PRDM16: variants seen among roughly 807,000 people sequenced by gnomAD.
PRDM16 encodes the protein PR/SET domain 16.
In PRDM16, 23 loss-of-function variants were observed where a neutral mutation model predicts 110.6. The ratio of observed to expected loss-of-function variants is 0.21; its 90% CI spans 0.15 to 0.29. The LOEUF is 0.29. Ranked by LOEUF, PRDM16 falls within the 10% of genes least tolerant of loss-of-function variation. The pLI, the probability that PRDM16 is intolerant of heterozygous loss-of-function variation, is 1.00. For missense variants in PRDM16, 1,615 were observed against 1,794.3 expected, an observed-to-expected ratio of 0.90 and a Z score of 1.81; for synonymous variants, 799 against 781.8, an observed-to-expected ratio of 1.02 and a Z score of -0.37.
intron 2 of PRDM16, among the ~76,000 whole-genome samples, chr1:3,225,573 T>TGTGCGCGCGCGCGCGC (rs1336272072): frequency 3.8e-5 from 5 of 129,902 alleles, no homozygotes; most frequent in African/African-American, 1.3e-4. Flanking sequence ...TGTGTGTGTG[T>TGTGCGCGCGCGCGCGC]GCGCGCGCGC....
chr1:3,234,911 G>A (rs1252691833), intron 2 of PRDM16, among the ~76,000 whole-genome samples: 1 of 152,272 alleles, frequency 6.6e-6, no homozygotes, highest in Non-Finnish European at 1.5e-5. Context: ...TAACTGGGCA[G>A]CTCTGAAGTG....
Position 3,143,733 on chromosome 1 carries a change from T to C in PRDM16, c.38-42392T>C, listed in dbSNP as rs1243081827. Among the ~76,000 whole-genome samples, 1 of 152,194 alleles carries C rather than the reference T, an allele frequency of 6.6e-6. No homozygotes were observed. Among genetic ancestry groups the C allele is most frequent in the Non-Finnish European group, 1.5e-5 (1 of 68,034 alleles). On this transcript the variant is annotated intron_variant, in intron 1 of 16. Coordinates refer to ENST00000270722, the MANE Select transcript of PRDM16 (RefSeq NM_022114.4). This position sits in a 1 kb window ranked among gnomAD's most constrained non-coding sequence, Gnocchi z 4.5. ...CTCAGGTGATCCTCCCGCCTCGGCC[T>C]CCCAAAGTGCTGGGATCACAGGCTT... is the stretch of plus-strand genomic sequence containing the variant.
chr1:3,140,627 A>C (rs984057917), intron 1 of PRDM16, among the ~76,000 whole-genome samples: 1 of 152,182 alleles, frequency 6.6e-6, no homozygotes, highest in Non-Finnish European at 1.5e-5. Flanking sequence ...TTACCCTCAG[A>C]GCTGAGCTCA....
At position 3,434,145 on chromosome 1, in the gene PRDM16, C is replaced by T. The variant is rs116028492; in HGVS notation, c.*334C>T. 1 of 338,136 alleles carries T rather than the reference C, an allele frequency of 3.0e-6. No homozygotes were observed. Among genetic ancestry groups the T allele is most frequent in the Non-Finnish European group, 5.4e-6 (1 of 184,496 alleles). The allele number at this position is 338,136 out of a possible 1,614,324, so 20.9% of individuals were successfully genotyped here. On this transcript the variant is annotated 3_prime_UTR_variant, in exon 17 of 17. Transcript: ENST00000270722. ...CTGCTGAGACAGAAGCTGGTGGCCA[C>T]TGCCGGGTGCCCGCGTGGGGTCGCG...
intron 1 of PRDM16, among the ~76,000 whole-genome samples, chr1:3,135,812 C>G (rs534923007): frequency 7.2e-4 from 109 of 152,354 alleles, no homozygotes; most frequent in Non-Finnish European, 1.2e-3. Flanking sequence ...CCAGACCGTC[C>G]GTCCCTTCCC....
At chr1:3,174,542 CCTTCATCT>C (rs1302466566) in intron 1 of PRDM16, among the ~76,000 whole-genome samples, 9 of 152,158 alleles carry the variant, frequency 5.9e-5, no homozygotes, top group African/African-American at 2.2e-4. Flanking sequence ...CAATCTGCTT[CCTTCATCT>C]CTAAAGTGAA....
At chr1:3,408,665 AGT>A (rs199646395) in intron 8 of PRDM16, among the ~76,000 whole-genome samples, 174 of 128,960 alleles carry the variant, frequency 1.3e-3, no homozygotes, top group African/African-American at 3.9e-3. Context: ...CATGTGTGAG[AGT>A]GTGTGAGTGT....
At chr1:3,078,227 CAG>C (rs1641942513) in intron 1 of PRDM16, among the ~76,000 whole-genome samples, 2 of 152,266 alleles carry the variant, frequency 1.3e-5, no homozygotes, top group East Asian at 1.9e-4. Context: ...ACCTGCATGT[CAG>C]GGGGCAGAGG....
rs181455670 is a variant in PRDM16 at position 3,293,358 on chromosome 1, C to T, written c.438+49221C>T. ...ATCCCAGGCCACCCGTGTGTCAGCA[C>T]ATAACCTTTGAAAACACCGTGAATG... On this transcript the variant is annotated intron_variant, in intron 3 of 16. Coordinates refer to ENST00000270722, the MANE Select transcript of PRDM16 (RefSeq NM_022114.4). 2.2e-3 allele frequency among the ~76,000 whole-genome samples: 337 copies of T among 152,330 alleles called. 5 individuals carry two copies. The highest frequency in any genetic ancestry group is 0.02 in the Admixed American group (305 of 15,308).
chr1:3,360,279 G>A (rs992182174), intron 3 of PRDM16, among the ~76,000 whole-genome samples: 2 of 152,226 alleles, frequency 1.3e-5, no homozygotes, highest in Non-Finnish European at 2.9e-5. Context: ...TCTGGAGCCT[G>A]TGCTGGCTCT....
chr1:3,397,251 T>C (rs902137879), intron 5 of PRDM16, among the ~76,000 whole-genome samples: 1 of 152,268 alleles, frequency 6.6e-6, no homozygotes, highest in Non-Finnish European at 1.5e-5. Context: ...GTCGCCCCGC[T>C]CTTCCAGACA....
At chr1:3,371,070 T>TCC (rs1486744189) in intron 3 of PRDM16, among the ~76,000 whole-genome samples, 1 of 143,868 alleles carries the variant, frequency 7.0e-6, no homozygotes, top group African/African-American at 2.6e-5. Flanking sequence ...CCATCCACCA[T>TCC]CCATTCAACC....
chr1:3,144,575 C>T (rs1467553081), intron 1 of PRDM16, among the ~76,000 whole-genome samples: 1 of 152,142 alleles, frequency 6.6e-6, no homozygotes, highest in Non-Finnish European at 1.5e-5. Flanking sequence ...TGTGTGAAGC[C>T]CTCACTCTCT....
chr1:3,333,239 C>T (rs971282108), intron 3 of PRDM16, among the ~76,000 whole-genome samples: 4 of 152,164 alleles, frequency 2.6e-5, no homozygotes, highest in Non-Finnish European at 4.4e-5. Context: ...GGGAGGCCCT[C>T]GTGGGGGTGA....
intron 10 of PRDM16, among the ~76,000 whole-genome samples, chr1:3,417,528 C>T (rs1469312616): frequency 1.3e-5 from 2 of 152,226 alleles, no homozygotes; most frequent in Non-Finnish European, 2.9e-5. Context: ...ACCTGTATCA[C>T]TCAGGTCCCG....
At chr1:3,298,135 G>A (rs986255144) in intron 3 of PRDM16, among the ~76,000 whole-genome samples, 6 of 152,378 alleles carry the variant, frequency 3.9e-5, no homozygotes, top group African/African-American at 1.4e-4. Context: ...AACCTCTGGG[G>A]CTTGGGAATA....
chr1:3,208,674 A>AAAAAGAAAAGAAAAG lies in PRDM16; in HGVS notation c.387+22214_387+22228dup, dbSNP rs545904621. 1.3e-5 allele frequency: 2 copies of AAAAAGAAAAGAAAAG among 151,232 alleles called. No homozygotes were observed. The highest frequency in any genetic ancestry group is 4.9e-5 in the African/African-American group (2 of 40,780). 9.4% of individuals were successfully genotyped at this position (151,232 alleles called of 1,614,324 possible). On this transcript the variant is annotated intron_variant, in intron 2 of 16. Transcript: ENST00000270722. The surrounding 1 kb of genome is among the most constrained non-coding windows in gnomAD (Gnocchi z 6.1). ...AGCAAGACTCCGTCTCAAAAAAAAA[A>AAAAAGAAAAGAAAAG]AAAAGAAAAGAAAAGAAAAGAAAAG... is the stretch of plus-strand genomic sequence containing the variant.
chr1:3,314,071 C>CGGGGGGGGGGGGGGGGG (rs747479644), intron 3 of PRDM16, among the ~76,000 whole-genome samples: 2 of 100,650 alleles, frequency 2.0e-5, no homozygotes, highest in African/African-American at 1.2e-4. Flanking sequence ...CCTTCCCCAC[C>CGGGGGGGGGGGGGGGGG]GGGGGGGGGG....
chr1:3,314,594 C>A (rs528390440), intron 3 of PRDM16, among the ~76,000 whole-genome samples: 177 of 152,118 alleles, frequency 1.2e-3, no homozygotes, highest in African/African-American at 4.1e-3. Context: ...CTCTCTCCCC[C>A]CCTCCCTCCT....
Sources: gnomAD v4.1 joint callset for allele counts (sites outside exome capture counted in the v4.1 genomes callset) on GRCh38, gnomAD v4.1.1 for gene constraint, Gnocchi (gnomAD v3.1) non-coding constraint, MANE v1.5 for transcripts, NCBI Gene and HGNC (gene_info 2026-07-23, HGNC 2026-07-21) for gene names.